Variants in ABCA3 observed in about 807,000 individuals in gnomAD.
The protein encoded by ABCA3 is phospholipid-transporting ATPase ABCA3.
Under a neutral mutation model 172.8 loss-of-function variants are expected in ABCA3, and 88 were observed. That is an observed-to-expected ratio of 0.51 (90% CI 0.43 to 0.61). ABCA3 has a LOEUF of 0.61. Ranked by LOEUF, ABCA3 falls within the 20% of genes least tolerant of loss-of-function variation. The probability of loss-of-function intolerance (pLI) is 0.00; values close to 1 mark genes in which losing one functional copy is unlikely to be tolerated. For synonymous variants in ABCA3, 1,066 were observed against 983.8 expected, an observed-to-expected ratio of 1.08 and a Z score of -1.56; for missense variants, 2,164 against 2,301.0, an observed-to-expected ratio of 0.94 and a Z score of 1.22.
rs1213250945 is a variant in ABCA3 at position 2,278,911 on chromosome 16, C to G, written c.4547+32G>C. ...TATGGGGACCTTGATTCTGACTCCA[C>G]TCTGGGAAGGGCCAGGGCTCGGGAG... On this transcript the variant is annotated intron_variant, in intron 29 of 32. Transcript: ENST00000301732. The surrounding 1 kb of genome is among the most constrained non-coding windows in gnomAD (Gnocchi z 4.4). The G allele has an allele frequency of 1.2e-6, 2 of 1,613,092 alleles. No individual in the cohort carries two copies. Among genetic ancestry groups the G allele is most frequent in the Non-Finnish European group, 1.7e-6 (2 of 1,180,018 alleles).
Position 2,311,281 on chromosome 16 carries a change from C to G in ABCA3, c.1112-2658G>C, listed in dbSNP as rs527922456. On this transcript the variant is annotated intron_variant, in intron 10 of 32. Coordinates refer to ENST00000301732, the MANE Select transcript of ABCA3 (RefSeq NM_001089.3). ...GCCACCGCGCCCAGCCCTATTTACC[C>G]TTTTATGTTGTTTGGTTGATGTATA... is the stretch of plus-strand genomic sequence containing the variant. 4.6e-5 allele frequency among the ~76,000 whole-genome samples: 7 copies of G among 152,154 alleles called. 1 individual carries two copies. The South Asian group carries it at 1.5e-3, about 32-fold the overall frequency.
At chr16:2,320,554 T>TA (rs938549618) in intron 7 of ABCA3, among the ~76,000 whole-genome samples, 6 of 151,286 alleles carry the variant, frequency 4.0e-5, no homozygotes, top group African/African-American at 1.5e-4. Flanking sequence ...CACGCCCAGC[T>TA]AATTTTTTTT....
At chr16:2,317,498 C>T (rs1339431957) in intron 9 of ABCA3, 95 bp from the exon 10 acceptor site, 20 of 1,597,554 alleles carry the variant, frequency 1.3e-5, no homozygotes, top group African/African-American at 4.0e-5. Flanking sequence ...GCGGCTCCAC[C>T]GAGAGGAGTG....
Position 2,326,089 on chromosome 16 carries a change from A to C in ABCA3, c.240T>G (p.Leu80=). The C allele has an allele frequency of 1.2e-6, 2 of 1,614,086 alleles. No individual in the cohort carries two copies. The highest frequency in any genetic ancestry group is 1.7e-6 in the Non-Finnish European group (2 of 1,180,028). Residue 80 remains leucine, a synonymous_variant, in exon 5 of 33, where the codon CTT becomes CTG. Transcript: ENST00000301732. ...TFPPPGDTWE[L]AYIPSHSDAA... ...CGTCACTGTGAGAAGGGATGTAGGC[A>C]AGCTCCCAGGTGTCTCCTGGCGGAG...
At position 2,312,437 on chromosome 16, in the gene ABCA3, A is replaced by C. The variant is rs2093708030; in HGVS notation, c.1112-3814T>G. Among the ~76,000 whole-genome samples the C allele has an allele frequency of 2.0e-5, 3 of 152,300 alleles. No individual in the cohort carries two copies. In the South Asian group the frequency reaches 6.2e-4, roughly 32 times the overall value. Reference sequence around the variant, plus strand: ...TGTACATCCCATTTCGTCACACAGAATACTAAATGAAGTATATTTGAGAGT... The same window carrying C: ...TGTACATCCCATTTCGTCACACAGACTACTAAATGAAGTATATTTGAGAGT... On this transcript the variant is annotated intron_variant, in intron 10 of 32. Coordinates refer to ENST00000301732, the MANE Select transcript of ABCA3 (RefSeq NM_001089.3).
At position 2,284,420 on chromosome 16, in the gene ABCA3, G is replaced by A; in HGVS notation, c.3721C>T (p.Leu1241Phe). The A allele has an allele frequency of 6.2e-7, 1 of 1,613,932 alleles. No homozygotes were observed. The highest frequency in any genetic ancestry group is 8.5e-7 in the Non-Finnish European group (1 of 1,180,018). The change falls in exon 25 of 33, where the codon CTT becomes TTT. Residue 1241 changes from leucine to phenylalanine, a missense_variant. This residue lies in a region of ABCA3 where 795 missense variants were observed against 881.9 expected (regional missense o/e 0.90). Coordinates refer to ENST00000301732, the MANE Select transcript of ABCA3 (RefSeq NM_001089.3). This position sits in a 1 kb window ranked among gnomAD's most constrained non-coding sequence, Gnocchi z 5.9. ...AACACGTGATCCAGGGTTTTGGAAAGTTCTTCCAGTTTTACAGCTGCGTTG... is the reference window on the plus strand; with the variant it reads ...AACACGTGATCCAGGGTTTTGGAAAATTCTTCCAGTTTTACAGCTGCGTTG... ...MRIPAVKLEE[L>F]SKTLDHVFLV...
At position 2,317,549 on chromosome 16, in the gene ABCA3, C is replaced by T. The variant is rs919629228; in HGVS notation, c.990+99G>A. The T allele has an allele frequency of 1.1e-5, 17 of 1,579,128 alleles. No individual in the cohort carries two copies. The Admixed American group carries it at 2.8e-4, about 26-fold the overall frequency. ...CTCTCCCCCATGAGGGACAGACTCTCTCTGAAGTCTCTGACCACAAAGTTC... is the reference window on the plus strand; with the variant it reads ...CTCTCCCCCATGAGGGACAGACTCTTTCTGAAGTCTCTGACCACAAAGTTC... On this transcript the variant is annotated intron_variant, in intron 9 of 32. Transcript: ENST00000301732.
Position 2,285,782 on chromosome 16 carries a change from G to A in ABCA3, c.3279-136C>T. The A allele has an allele frequency of 1.2e-6, 1 of 821,770 alleles. No individual in the cohort carries two copies. Among genetic ancestry groups the A allele is most frequent in the East Asian group, 2.7e-5 (1 of 37,714 alleles). The allele number at this position is 821,770 out of a possible 1,614,324, so 50.9% of individuals were successfully genotyped here. ...TAAAGGGGCTTATGGGAGAGCACAAGCACCATGGTTCCATACCGGGAACAT... is the reference window on the plus strand; with the variant it reads ...TAAAGGGGCTTATGGGAGAGCACAAACACCATGGTTCCATACCGGGAACAT... On this transcript the variant is annotated intron_variant, in intron 22 of 32. Transcript: ENST00000301732. This position sits in a 1 kb window ranked among gnomAD's most constrained non-coding sequence, Gnocchi z 4.7.
At chr16:2,332,026 A>G (rs749591589) in intron 1 of ABCA3, among the ~76,000 whole-genome samples, 4 of 152,168 alleles carry the variant, frequency 2.6e-5, no homozygotes, top group Non-Finnish European at 5.9e-5. Context: ...TTTTTAGGTA[A>G]GCAACTGACT....
chr16:2,285,657 C>T lies in ABCA3; in HGVS notation c.3279-11G>A. On this transcript the variant is annotated splice_polypyrimidine_tract_variant and intron_variant, in intron 22 of 32. Transcript: ENST00000301732. The surrounding 1 kb of genome is among the most constrained non-coding windows in gnomAD (Gnocchi z 4.7). ...AATCCCTTCCGGCCCCTGCGGGGGACAGAGAAGGTCAGGGACGGAGCACAG... is the reference window on the plus strand; with the variant it reads ...AATCCCTTCCGGCCCCTGCGGGGGATAGAGAAGGTCAGGGACGGAGCACAG... 1 of 1,551,396 alleles carries T rather than the reference C, an allele frequency of 6.4e-7. No individual in the cohort carries two copies. The highest frequency in any genetic ancestry group is 1.2e-5 in the South Asian group (1 of 84,038).
Position 2,295,705 on chromosome 16 carries a change from G to C in ABCA3, c.2299C>G (p.His767Asp). 1 of 1,614,050 alleles carries C rather than the reference G, an allele frequency of 6.2e-7. No individual in the cohort carries two copies. The highest frequency in any genetic ancestry group is 8.5e-7 in the Non-Finnish European group (1 of 1,180,048). Residue 767 changes from histidine to aspartate, a missense_variant, in exon 18 of 33, where the codon CAC (histidine) becomes GAC (aspartate). Physicochemically the swap from His to Asp is moderately conservative, Grantham distance 81 (BLOSUM62 -1). Coordinates refer to ENST00000301732, the MANE Select transcript of ABCA3 (RefSeq NM_001089.3). ...TGGGAGATGTCTTCCGGGTTGCAGT[G>C]CGGCTCCTTCACCAGCGTCATGTGA... ...GYHMTLVKEPHCNPEDISQLV... is the reference protein window; with the variant it reads ...GYHMTLVKEPDCNPEDISQLV...
rs577998828 is a variant in ABCA3 at position 2,277,920 on chromosome 16, G to T, written c.4868C>A (p.Ala1623Glu). The T allele has an allele frequency of 6.2e-7, 1 of 1,610,878 alleles. No individual in the cohort carries two copies. Among genetic ancestry groups the T allele is most frequent in the Non-Finnish European group, 8.5e-7 (1 of 1,179,980 alleles). ...CACGAAGGCCTTGAACTCCTCCAGC[G>T]CCTCCTGTTGCCCTTCACTCTGCAC... ...AKVQSEGQQE[A>E]LEEFKAFVDL... Residue 1623 changes from alanine to glutamate, a missense_variant, in exon 31 of 33, where the codon GCG (alanine) becomes GAG (glutamate). By Grantham distance (107) the Ala-to-Glu change is moderately radical. Coordinates refer to ENST00000301732, the MANE Select transcript of ABCA3 (RefSeq NM_001089.3). This position sits in a 1 kb window ranked among gnomAD's most constrained non-coding sequence, Gnocchi z 5.3.
At chr16:2,309,278 ATC>A (rs1213980022) in intron 10 of ABCA3, among the ~76,000 whole-genome samples, 1 of 152,012 alleles carries the variant, frequency 6.6e-6, no homozygotes, top group Non-Finnish European at 1.5e-5. Flanking sequence ...GGGTTGCCTG[ATC>A]TCTCTCATTT....
At chr16:2,313,601 T>A (rs752225980) in intron 10 of ABCA3, among the ~76,000 whole-genome samples, 42 of 134,244 alleles carry the variant, frequency 3.1e-4, no homozygotes, top group Admixed American at 7.6e-4. Context: ...AAGTATAGTT[T>A]AAAAAAAAAA....
chr16:2,335,624 TG>T (rs749662326), intron 1 of ABCA3, among the ~76,000 whole-genome samples: 8 of 152,206 alleles, frequency 5.3e-5, no homozygotes, highest in Non-Finnish European at 1.2e-4. Context: ...CTGGCTTGTA[TG>T]TCAGCAGCCG....
At chr16:2,318,956 CT>C (rs537374336) in intron 8 of ABCA3, among the ~76,000 whole-genome samples, 12,915 of 147,402 alleles carry the variant, frequency 0.088, 612 homozygotes, top group African/African-American at 0.1. Context: ...TATGTGCACA[CT>C]TTTTTTTTTT....
At chr16:2,318,323 G>A (rs1253535326) in intron 8 of ABCA3, among the ~76,000 whole-genome samples, 1 of 152,066 alleles carries the variant, frequency 6.6e-6, no homozygotes, top group African/African-American at 2.4e-5. Flanking sequence ...TTCCTCACCT[G>A]CCCCACCAAG....
In ABCA3 at chr16:2,292,013, C is replaced by G. The variant is rs993398100; in HGVS notation, c.2513+127G>C. The G allele has an allele frequency of 4.2e-6, 3 of 713,232 alleles. No homozygotes were observed. In the East Asian group the frequency reaches 9.0e-5, roughly 21 times the overall value. The allele number at this position is 713,232 out of a possible 1,614,324, so 44.2% of individuals were successfully genotyped here. ...TCTTGAACCCAGGAGGCGGAGGTTG[C>G]GGTGAGCCGAGATCGCACCACTGCA... On this transcript the variant is annotated intron_variant, in intron 19 of 32. Transcript: ENST00000301732.
chr16:2,325,523 G>T (rs323057), intron 5 of ABCA3, among the ~76,000 whole-genome samples: 139,365 of 152,216 alleles, frequency 0.92, 65,075 homozygotes, highest in East Asian at 1. Flanking sequence ...CTAGTCTTAG[G>T]GCCATCAGGC....
Sources: allele counts gnomAD v4.1 joint callset (sites outside exome capture counted in the v4.1 genomes callset), GRCh38; gene constraint gnomAD v4.1.1; regional missense constraint gnomAD v4.1.1; non-coding constraint Gnocchi (gnomAD v3.1); transcripts MANE v1.5; gene names NCBI Gene and HGNC (gene_info 2026-07-23, HGNC 2026-07-21).